FSHR: variants seen among roughly 807,000 people sequenced by gnomAD.
FSHR encodes follicle stimulating hormone receptor, also known as follicle-stimulating hormone receptor.
A neutral mutation model predicts 52.1 loss-of-function variants in FSHR; 46 were observed. The observed-to-expected ratio is 0.88, with a 90% CI of 0.70 to 1.13. FSHR has a LOEUF of 1.13. Ranked by LOEUF, FSHR falls within the 50% of genes most tolerant of loss-of-function variation. The pLI is 0.00. For synonymous variants in FSHR, 399 were observed against 309.6 expected (o/e 1.29, Z -3.03); for missense variants, 964 against 834.6 (o/e 1.16, Z -1.91).
At chr2:49,044,822 AG>A (rs1461031335) in intron 2 of FSHR, among the ~76,000 whole-genome samples, 7 of 152,164 alleles carry the variant, frequency 4.6e-5, no homozygotes, top group African/African-American at 1.7e-4. Context: ...GGCTATATTT[AG>A]ACTTGTGCTT....
chr2:49,108,965 G>T (rs1671331087), intron 1 of FSHR, among the ~76,000 whole-genome samples: 2 of 152,140 alleles, frequency 1.3e-5, no homozygotes, highest in Non-Finnish European at 2.9e-5. Context: ...GGTGCTCATA[G>T]TTCAGAAAAG....
chr2:48,969,320 G>A (rs115856229), intron 8 of FSHR, among the ~76,000 whole-genome samples: 3,349 of 152,254 alleles, frequency 0.022, 45 homozygotes, highest in Middle Eastern at 0.041. Context: ...CCAAATTTCA[G>A]AAAAAGGGAC....
intron 2 of FSHR, among the ~76,000 whole-genome samples, chr2:49,033,343 G>A (rs991910132): frequency 1.3e-5 from 2 of 152,186 alleles, no homozygotes; most frequent in African/African-American, 2.4e-5. Context: ...AGTAGAAACA[G>A]TTTATAACCT....
intron 1 of FSHR, among the ~76,000 whole-genome samples, chr2:49,095,560 G>C (rs1452986637): frequency 6.6e-6 from 1 of 152,056 alleles, no homozygotes; most frequent in Non-Finnish European, 1.5e-5. Context: ...TGTGACCTTG[G>C]ATTAGTCAAT....
rs150971798 is a variant in FSHR at position 49,035,739 on chromosome 2, T to C, written c.225-15579A>G. Among the ~76,000 whole-genome samples the C allele has an allele frequency of 3.0e-3, 460 of 152,354 alleles. 2 individuals carry two copies. The highest frequency in any genetic ancestry group is 0.011 in the African/African-American group (448 of 41,580). On this transcript the variant is annotated intron_variant, in intron 2 of 9. Coordinates refer to ENST00000406846, the MANE Select transcript of FSHR (RefSeq NM_000145.4). Reference sequence around the variant, plus strand: ...GAAGGTGACTGGTCAAAACCACTCATGGGTGCTGGTGGTTTGTATGTTACT... The same window carrying C: ...GAAGGTGACTGGTCAAAACCACTCACGGGTGCTGGTGGTTTGTATGTTACT...
intron 1 of FSHR, among the ~76,000 whole-genome samples, chr2:49,107,338 C>A (rs1671263188): frequency 6.6e-6 from 1 of 152,104 alleles, no homozygotes. Context: ...GCAAGTGCCT[C>A]AGACCTGCTT....
At chr2:49,094,356 A>C (rs1432484214) in intron 1 of FSHR, among the ~76,000 whole-genome samples, 1 of 152,184 alleles carries the variant, frequency 6.6e-6, no homozygotes, top group Non-Finnish European at 1.5e-5. Flanking sequence ...TACATATTTA[A>C]ATAATTTAAG....
At chr2:48,972,326 G>A (rs1017148992) in intron 8 of FSHR, among the ~76,000 whole-genome samples, 24 of 152,120 alleles carry the variant, frequency 1.6e-4, no homozygotes, top group Non-Finnish European at 8.8e-5. Context: ...CAAGGTAAAC[G>A]TTCTGGTGGT....
intron 1 of FSHR, among the ~76,000 whole-genome samples, chr2:49,090,495 C>T (rs1244968591): frequency 6.6e-6 from 1 of 152,128 alleles, no homozygotes. Flanking sequence ...GAATATACCA[C>T]AGTTTGTTTA....
intron 4 of FSHR, among the ~76,000 whole-genome samples, chr2:49,008,295 C>G: frequency 7.3e-6 from 1 of 137,524 alleles, no homozygotes; most frequent in Admixed American, 7.5e-5. Flanking sequence ...TTTGTTCTTG[C>G]GATAGTTTAC....
intron 2 of FSHR, among the ~76,000 whole-genome samples, chr2:49,048,375 C>T (rs1325894407): frequency 6.6e-6 from 1 of 152,178 alleles, no homozygotes; most frequent in African/African-American, 2.4e-5. Flanking sequence ...TAAACATCAC[C>T]TGCCATTATC....
intron 4 of FSHR, among the ~76,000 whole-genome samples, chr2:49,015,940 A>G (rs1391916028): frequency 6.6e-6 from 1 of 152,184 alleles, no homozygotes; most frequent in Non-Finnish European, 1.5e-5. Flanking sequence ...AAGCCAGCCT[A>G]CCTCTGACAG....
chr2:49,137,839 T>TAA (rs1412446564), intron 1 of FSHR, among the ~76,000 whole-genome samples: 1 of 152,064 alleles, frequency 6.6e-6, no homozygotes. Flanking sequence ...GCTAAAATTA[T>TAA]AAAACTCTCA....
At chr2:49,086,729 A>G (rs576850117) in intron 1 of FSHR, among the ~76,000 whole-genome samples, 109 of 152,236 alleles carry the variant, frequency 7.2e-4, no homozygotes, top group African/African-American at 2.5e-3. Context: ...CAAACTCCAC[A>G]TGCCAGGTTC....
intron 2 of FSHR, among the ~76,000 whole-genome samples, chr2:49,039,981 C>G (rs1327247365): frequency 1.3e-5 from 2 of 151,246 alleles, no homozygotes; most frequent in Non-Finnish European, 2.9e-5. Context: ...AATGTCCTAT[C>G]TTAATTGTGA....
intron 1 of FSHR, among the ~76,000 whole-genome samples, chr2:49,119,340 C>T (rs1279455704): frequency 6.6e-6 from 1 of 151,772 alleles, no homozygotes; most frequent in East Asian, 1.9e-4. Context: ...GCAAACAATA[C>T]ATACTTTGGC....
At chr2:49,090,020 A>C (rs577803113) in intron 1 of FSHR, among the ~76,000 whole-genome samples, 1 of 152,364 alleles carries the variant, frequency 6.6e-6, no homozygotes, top group South Asian at 2.1e-4. Context: ...CCTATCATGT[A>C]CAGGCATTTT....
chr2:48,991,319 G>A (rs1231396412), intron 4 of FSHR, among the ~76,000 whole-genome samples: 2 of 152,158 alleles, frequency 1.3e-5, no homozygotes, highest in African/African-American at 2.4e-5. Context: ...ATTCAGGACA[G>A]GGAGTGAAAC....
chr2:49,012,095 A>G (rs1408965340), intron 4 of FSHR, among the ~76,000 whole-genome samples: 1 of 152,062 alleles, frequency 6.6e-6, no homozygotes, highest in African/African-American at 2.4e-5. Context: ...GATGGTTGTC[A>G]GTGGGGCATG....
Sources: allele counts gnomAD v4.1 joint callset (sites outside exome capture counted in the v4.1 genomes callset), GRCh38; gene constraint gnomAD v4.1.1; transcripts MANE v1.5; gene names NCBI Gene and HGNC (gene_info 2026-07-23, HGNC 2026-07-21).